Variants in ELF2 observed in about 807,000 individuals in gnomAD.
The protein encoded by ELF2 is ETS-related transcription factor Elf-2.
A neutral mutation model predicts 54.8 loss-of-function variants in ELF2; 11 were observed. The observed-to-expected ratio is 0.20, with a 90% CI of 0.13 to 0.33. ELF2 has a LOEUF of 0.33. Ranked by LOEUF, ELF2 falls within the 10% of genes least tolerant of loss-of-function variation. ELF2 has a pLI of 1.00. For synonymous variants in ELF2, 203 were observed against 245.1 expected, an observed-to-expected ratio of 0.83 and a Z score of 1.61; for missense variants, 513 against 703.0, an observed-to-expected ratio of 0.73 and a Z score of 3.06.
At chr4:139,129,863 A>G (rs1375109168) in intron 3 of ELF2, among the ~76,000 whole-genome samples, 1 of 152,226 alleles carries the variant, frequency 6.6e-6, no homozygotes, top group Non-Finnish European at 1.5e-5. Flanking sequence ...GTCTAAAAGG[A>G]AAGTTTAACA....
chr4:139,169,225 G>A (rs1165296039), intron 1 of ELF2, among the ~76,000 whole-genome samples: 2 of 151,782 alleles, frequency 1.3e-5, no homozygotes, highest in African/African-American at 2.4e-5. Context: ...GCGCAGGCCT[G>A]TAGTCCCAGG....
At chr4:139,112,827 G>T (rs747902467) in intron 4 of ELF2, among the ~76,000 whole-genome samples, 1 of 151,874 alleles carries the variant, frequency 6.6e-6, no homozygotes, top group South Asian at 2.1e-4. Flanking sequence ...ACCAGGAGGC[G>T]GAAGTTTCAG....
At chr4:139,087,306 G>A (rs1732076519) in intron 4 of ELF2, among the ~76,000 whole-genome samples, 2 of 152,062 alleles carry the variant, frequency 1.3e-5, no homozygotes, top group Non-Finnish European at 2.9e-5. Context: ...ATAGAAACAG[G>A]GTCTCGCTAT....
At chr4:139,163,911 G>A (rs1461196156) in intron 1 of ELF2, among the ~76,000 whole-genome samples, 1 of 150,946 alleles carries the variant, frequency 6.6e-6, no homozygotes, top group African/African-American at 2.4e-5. Context: ...AAAAAAGGAA[G>A]TAGGAAGGAA....
chr4:139,066,436 T>A (rs538837549), intron 7 of ELF2: 1 of 151,904 alleles, frequency 6.6e-6, no homozygotes, highest in South Asian at 2.1e-4. Context: ...AGGGGCACTC[T>A]GTTTCTACAA....
chr4:139,169,142 G>C (rs1742005611), intron 1 of ELF2, among the ~76,000 whole-genome samples: 1 of 151,972 alleles, frequency 6.6e-6, no homozygotes, highest in Non-Finnish European at 1.5e-5. Flanking sequence ...GAGGTCAGGA[G>C]TTTAAGACCA....
intron 1 of ELF2, among the ~76,000 whole-genome samples, chr4:139,147,364 A>T (rs1462240723): frequency 6.6e-6 from 1 of 152,244 alleles, no homozygotes; most frequent in African/African-American, 2.4e-5. Flanking sequence ...AAGAATGGCC[A>T]TTATTAAGAC....
chr4:139,132,869 TATATAA>T (rs1489118965), intron 3 of ELF2, among the ~76,000 whole-genome samples: 3 of 90,154 alleles, frequency 3.3e-5, no homozygotes, highest in African/African-American at 7.2e-5. Context: ...TATATATATA[TATATAA>T]AATATGTAAT....
At chr4:139,166,867 C>CA (rs1457476256) in intron 1 of ELF2, among the ~76,000 whole-genome samples, 1 of 151,806 alleles carries the variant, frequency 6.6e-6, no homozygotes, top group Non-Finnish European at 1.5e-5. Context: ...GACTCCGTCT[C>CA]AAAAAAATAA....
At chr4:139,087,312 G>A (rs185376508) in intron 4 of ELF2, among the ~76,000 whole-genome samples, 24 of 152,190 alleles carry the variant, frequency 1.6e-4, no homozygotes, top group African/African-American at 5.8e-4. Flanking sequence ...ACAGGGTCTC[G>A]CTATGTTATC....
chr4:139,101,939 A>G (rs1733911915), intron 4 of ELF2: 1 of 152,122 alleles, frequency 6.6e-6, no homozygotes, highest in South Asian at 2.1e-4. Context: ...TTAATGTTGT[A>G]AACCTAGATA....
intron 4 of ELF2, among the ~76,000 whole-genome samples, chr4:139,086,341 T>C (rs1039532192): frequency 6.6e-6 from 1 of 152,180 alleles, no homozygotes; most frequent in African/African-American, 2.4e-5. Flanking sequence ...CACAACAAGC[T>C]GGAATCATAT....
At chr4:139,081,877 GA>G (rs1368694770) in intron 4 of ELF2, among the ~76,000 whole-genome samples, 1 of 151,576 alleles carries the variant, frequency 6.6e-6, no homozygotes, top group East Asian at 1.9e-4. Flanking sequence ...GACATAACTT[GA>G]AAATAACTGT....
intron 4 of ELF2, among the ~76,000 whole-genome samples, chr4:139,076,427 TCA>T (rs1242992297): frequency 9.2e-5 from 14 of 151,780 alleles, no homozygotes; most frequent in Non-Finnish European, 2.1e-4. Flanking sequence ...CCTACAATAC[TCA>T]CATACACTAA....
chr4:139,159,440 T>A (rs1740876082), intron 1 of ELF2, among the ~76,000 whole-genome samples: 1 of 152,172 alleles, frequency 6.6e-6, no homozygotes, highest in African/African-American at 2.4e-5. Context: ...ATTTGCCTTG[T>A]GTGGGAAGAG....
In ELF2 at chr4:139,118,944, G is replaced by C. The variant is rs3762863; in HGVS notation, c.238+6220C>G. Among the ~76,000 whole-genome samples, 22 of 9,088 alleles carry C rather than the reference G, an allele frequency of 2.4e-3. No individual in the cohort carries two copies. The East Asian group carries it at 0.052, about 21-fold the overall frequency. 6.0% of individuals were successfully genotyped at this position (9,088 alleles called of 152,430 possible). On this transcript the variant is annotated intron_variant, in intron 4 of 9. Transcript: ENST00000686138. ...AAATACTGCCAAGTAAGTGATAAAG[G>C]GGAAATTTGAAAATCAGAACTAACT...
intron 4 of ELF2, among the ~76,000 whole-genome samples, chr4:139,082,232 A>G (rs1447646689): frequency 6.6e-6 from 1 of 152,238 alleles, no homozygotes; most frequent in Non-Finnish European, 1.5e-5. Context: ...TGGAAACAAC[A>G]TCTCTTGAAC....
At chr4:139,128,550 C>T (rs1208138175) in intron 3 of ELF2, among the ~76,000 whole-genome samples, 6 of 147,630 alleles carry the variant, frequency 4.1e-5, no homozygotes, top group Admixed American at 2.0e-4. Context: ...GAGACAGGGT[C>T]TAGCTCTGTC....
chr4:139,059,902 T>C (rs1444996207), intron 9 of ELF2, among the ~76,000 whole-genome samples: 1 of 151,780 alleles, frequency 6.6e-6, no homozygotes, highest in Non-Finnish European at 1.5e-5. Context: ...GGCTGGAGTA[T>C]AGTGGTGCAA....
Sources: allele counts gnomAD v4.1 joint callset (sites outside exome capture counted in the v4.1 genomes callset), GRCh38; gene constraint gnomAD v4.1.1; transcripts MANE v1.5; gene names NCBI Gene and HGNC (gene_info 2026-07-23, HGNC 2026-07-21).